The following PLEKHH3 variants were observed in gnomAD, a reference collection of about 807,000 sequenced individuals.
PLEKHH3 encodes pleckstrin homology, MyTH4 and FERM domain containing H3.
Under a neutral mutation model 77.8 loss-of-function variants are expected in PLEKHH3, and 57 were observed. The ratio of observed to expected loss-of-function variants is 0.73; its 90% CI spans 0.59 to 0.91. The LOEUF (loss-of-function observed/expected upper bound fraction) is 0.91, where lower values mean the gene tolerates loss of function less well. Among genes scored for constraint, PLEKHH3 ranks in the 40% least tolerant of loss-of-function variants. PLEKHH3 has a pLI of 0.00. For missense variants in PLEKHH3, 1,082 were observed against 1,091.2 expected, an observed-to-expected ratio of 0.99 and a Z score of 0.12; for synonymous variants, 467 against 504.8, an observed-to-expected ratio of 0.93 and a Z score of 1.00.
At position 42,669,712 on chromosome 17, in the gene PLEKHH3, T is replaced by C. The variant is rs1353655247; in HGVS notation, c.2014-91A>G. The C allele has an allele frequency of 2.7e-6, 4 of 1,468,910 alleles. 1 individual carries two copies. In the South Asian group the frequency reaches 3.9e-5, roughly 14 times the overall value. The allele number at this position is 1,468,910 out of a possible 1,614,324, so 91.0% of individuals were successfully genotyped here. On this transcript the variant is annotated intron_variant, in intron 11 of 12. Transcript: ENST00000591022. ...TGGGTGTCTGTGAGCAGGAGTATCC[T>C]GATCCCCCTATGATTCACAGCACGT...
intron 1 of PLEKHH3, chr17:42,674,974 A>G (rs981770178): frequency 2.0e-5 from 3 of 152,558 alleles, no homozygotes; most frequent in African/African-American, 4.8e-5. Flanking sequence ...ACATTCTCCC[A>G]TAGACACTCC....
chr17:42,674,765 C>T (rs1265283422), intron 1 of PLEKHH3: 2 of 255,508 alleles, frequency 7.8e-6, no homozygotes, highest in Admixed American at 5.5e-5. Context: ...CAAGTCTCTT[C>T]CCGTCTCCGG....
In PLEKHH3 at chr17:42,670,647, G is replaced by C. The variant is rs774585458; in HGVS notation, c.1480C>G (p.Leu494Val). Reference protein sequence around the residue: ...DSPDSGWRLCLRLHGPLHPEG... With the variant: ...DSPDSGWRLCVRLHGPLHPEG... Reference sequence around the variant, plus strand: ...GGGTGCAGAGGTCCGTGAAGACGCAGACATAGTCTCCACCCGGAGTCGGGC... The same window carrying C: ...GGGTGCAGAGGTCCGTGAAGACGCACACATAGTCTCCACCCGGAGTCGGGC... The change falls in exon 10 of 13, where the codon CTG (leucine) becomes GTG (valine). Residue 494 changes from leucine (L) to valine (V), a missense_variant. Leu to Val is a conservative substitution (Grantham distance 32). Coordinates refer to ENST00000591022, the MANE Select transcript of PLEKHH3 (RefSeq NM_024927.5). 6.2e-7 allele frequency: 1 copy of C among 1,613,268 alleles called. No individual in the cohort carries two copies. The highest frequency in any genetic ancestry group is 8.5e-7 in the Non-Finnish European group (1 of 1,179,924).
At position 42,671,050 on chromosome 17, in the gene PLEKHH3, C is replaced by G. The variant is rs2052688856; in HGVS notation, c.1365G>C (p.Gln455His). 6.2e-7 allele frequency: 1 copy of G among 1,610,234 alleles called. No homozygotes were observed. Among genetic ancestry groups the G allele is most frequent in the East Asian group, 2.2e-5 (1 of 44,824 alleles). The stretch of plus-strand genomic sequence containing the variant: ...GGGTCCCCCCAGCCAGGGCTCGCTC[C>G]TGGGCCCCTCGCTGCTCGTACAGCG... ...AFALYEQRGAQERALAGGTLV... is the reference protein window; with the variant it reads ...AFALYEQRGAHERALAGGTLV... The change falls in exon 9 of 13, where the codon CAG becomes CAC. Residue 455 changes from glutamine (Q) to histidine (H), a missense_variant. By Grantham distance (24) the Gln-to-His change is conservative (BLOSUM62 0). Transcript: ENST00000591022. The surrounding 1 kb of genome is among the most constrained non-coding windows in gnomAD (Gnocchi z 4.7).
chr17:42,673,153 A>T (rs879142178), intron 6 of PLEKHH3, 23 bp downstream of exon 6: 8 of 1,502,786 alleles, frequency 5.3e-6, no homozygotes, highest in Non-Finnish European at 7.1e-6. Flanking sequence ...CATCCAGGGG[A>T]CTTGGGCCAT....
Position 42,670,330 on chromosome 17 carries a change from G to T in PLEKHH3, c.1601C>A (p.Thr534Lys), listed in dbSNP as rs748773054. The change falls in exon 11 of 13, where the codon ACG (threonine) becomes AAG (lysine). Residue 534 changes from threonine to lysine, a missense_variant. This residue lies in a region of PLEKHH3 where 733 missense variants were observed against 750.0 expected (regional missense o/e 0.98). Transcript: ENST00000591022. ...GCGCAGCGCCGCCAGGGCGCGCAGC[G>T]TGTCGTCGGGTGGGGGCGGCCGGCC... Reference protein sequence around the residue: ...LRGRPPPPDDTLRALAALRLQ... With the variant: ...LRGRPPPPDDKLRALAALRLQ... The T allele has an allele frequency of 7.2e-7, 1 of 1,397,414 alleles. No individual in the cohort carries two copies. Among genetic ancestry groups the T allele is most frequent in the African/African-American group, 1.5e-5 (1 of 66,022 alleles). 86.6% of individuals were successfully genotyped at this position (1,397,414 alleles called of 1,614,324 possible).
rs1400111515 is a variant in PLEKHH3 at position 42,671,298 on chromosome 17, G to A, written c.1284+53C>T. On this transcript the variant is annotated intron_variant, in intron 8 of 12. Transcript: ENST00000591022. The surrounding 1 kb of genome is among the most constrained non-coding windows in gnomAD (Gnocchi z 4.7). The stretch of plus-strand genomic sequence containing the variant: ...GGTCCAGGAAGAGGGAGAGACAGGC[G>A]TGAGAAGCTGGCAGGGTGGGTTGGA... 6.3e-7 allele frequency: 1 copy of A among 1,588,984 alleles called. No homozygotes were observed. Among genetic ancestry groups the A allele is most frequent in the Non-Finnish European group, 8.6e-7 (1 of 1,164,114 alleles).
Position 42,670,166 on chromosome 17 carries a change from C to T in PLEKHH3, c.1765G>A (p.Gly589Arg), listed in dbSNP as rs1368093979. The T allele has an allele frequency of 2.5e-6, 3 of 1,215,130 alleles. No homozygotes were observed. Among genetic ancestry groups the T allele is most frequent in the Non-Finnish European group, 3.1e-6 (3 of 980,116 alleles). The allele number at this position is 1,215,130 out of a possible 1,614,324, so 75.3% of individuals were successfully genotyped here. ...RPPPSAALLAGALWSPGLAKR... is the reference protein window; with the variant it reads ...RPPPSAALLARALWSPGLAKR... ...GCCAGGCCCGGGCTCCAGAGCGCCC[C>T]GGCCAGCAGGGCAGCGGAAGGGGGC... Residue 589 changes from glycine to arginine, a missense_variant, in exon 11 of 13, where the codon GGG becomes AGG. Gly to Arg is a moderately radical substitution (Grantham distance 125). Transcript: ENST00000591022.
At position 42,667,931 on chromosome 17, in the gene PLEKHH3, C is replaced by CTTT. The variant is rs112409682; in HGVS notation, c.*193_*195dup. ...AGGAAGGGTTTGTGTAAATAAGAAA[C>CTTT]TTTTTTTTTTTTTTTGCTTCTCTTC... On this transcript the variant is annotated 3_prime_UTR_variant, in exon 13 of 13. Coordinates refer to ENST00000591022, the MANE Select transcript of PLEKHH3 (RefSeq NM_024927.5). 5 of 369,198 alleles carry CTTT rather than the reference C, an allele frequency of 1.4e-5. No individual in the cohort carries two copies. The highest frequency in any genetic ancestry group is 1.4e-4 in the South Asian group (1 of 6,986). 22.9% of individuals were successfully genotyped at this position (369,198 alleles called of 1,614,324 possible).
intron 1 of PLEKHH3, among the ~76,000 whole-genome samples, chr17:42,675,153 G>C (rs2052795264): frequency 6.6e-6 from 1 of 152,020 alleles, no homozygotes; most frequent in Admixed American, 6.5e-5. Context: ...TGTAGACTGG[G>C]GTCTGAGAGA....
chr17:42,674,591 A>T, intron 1 of PLEKHH3, 182 bp from the exon 2 acceptor site: 3 of 463,414 alleles, frequency 6.5e-6, no homozygotes, highest in Non-Finnish European at 1.1e-5. Context: ...TCTTAACAGG[A>T]CAAGCTCTTC....
In PLEKHH3 at chr17:42,670,387, G is replaced by A. The variant is rs764045980; in HGVS notation, c.1555-11C>T. ...CAGCAGAGCGTGAGCCTGCAGGGGA[G>A]GCACCCGGCGTCAGTGTACGAGCGG... On this transcript the variant is annotated splice_polypyrimidine_tract_variant and intron_variant, in intron 10 of 12. Transcript: ENST00000591022. The A allele has an allele frequency of 3.5e-6, 5 of 1,440,468 alleles. No individual in the cohort carries two copies. The highest frequency in any genetic ancestry group is 2.2e-4 in the Middle Eastern group (1 of 4,516). 89.2% of individuals were successfully genotyped at this position (1,440,468 alleles called of 1,614,324 possible). A position where few individuals can be genotyped will look rare whatever the true frequency, so the allele number is the denominator to read the frequency against.
Position 42,676,557 on chromosome 17 carries a change from G to A in PLEKHH3, c.7C>T (p.Leu3Phe). 6.4e-7 allele frequency: 1 copy of A among 1,556,874 alleles called. No individual in the cohort carries two copies. The highest frequency in any genetic ancestry group is 8.7e-7 in the Non-Finnish European group (1 of 1,151,026). The change falls in exon 1 of 13, where the codon CTC (leucine) becomes TTC (phenylalanine). Residue 3 changes from leucine to phenylalanine, a missense_variant. By Grantham distance (22) the Leu-to-Phe change is conservative (BLOSUM62 0). Around this residue, in one of 3 missense-constraint regions of PLEKHH3, gnomAD observed 344 missense variants for 320.8 expected, o/e 1.07. Coordinates refer to ENST00000591022, the MANE Select transcript of PLEKHH3 (RefSeq NM_024927.5). This position sits in a 1 kb window ranked among gnomAD's most constrained non-coding sequence, Gnocchi z 6.6. ...AGAAGCCACCATAGTCCCCCGGGGA[G>A]AGGCATCCGGGCGAGGAGCTGCGGA... The part of the protein sequence containing the change: MP[L>F]PGGLWWLLCC...
chr17:42,675,253 G>A (rs1359006737), intron 1 of PLEKHH3, among the ~76,000 whole-genome samples: 1 of 152,138 alleles, frequency 6.6e-6, no homozygotes, highest in Non-Finnish European at 1.5e-5. Flanking sequence ...GGGGGAGGTG[G>A]GGGAGGGGGC....
At chr17:42,675,932 C>T in intron 1 of PLEKHH3, 1 of 1,025,964 alleles carries the variant, frequency 9.7e-7, no homozygotes, top group Non-Finnish European at 1.2e-6. Context: ...GCCACAGACC[C>T]CAATCCTGGG....
At position 42,670,592 on chromosome 17, in the gene PLEKHH3, A is replaced by G. The variant is rs376774229; in HGVS notation, c.1535T>C (p.Leu512Pro). Residue 512 changes from leucine to proline, a missense_variant, in exon 10 of 13, where the codon CTG becomes CCG. By Grantham distance (98) the Leu-to-Pro change is moderately conservative. Transcript: ENST00000591022. The part of the protein sequence containing the change: ...PEGLSPDGHE[L>P]PFLFEQAHAL... Reference sequence around the variant, plus strand: ...CCTCACCTGCTCAAAGAGGAAAGGCAGTTCGTGACCGTCTGGGGACAGCCC... The same window carrying G: ...CCTCACCTGCTCAAAGAGGAAAGGCGGTTCGTGACCGTCTGGGGACAGCCC... 20 of 1,610,874 alleles carry G rather than the reference A, an allele frequency of 1.2e-5. No individual in the cohort carries two copies. The African/African-American group carries it at 2.7e-4, about 22-fold the overall frequency.
Position 42,671,644 on chromosome 17 carries a change from A to G in PLEKHH3, c.1077-86T>C. ...GCCTGCTTCTCTTATAGTTTATTTT[A>G]TCTAGCCGATTTCCTCCCCGCCCCA... On this transcript the variant is annotated intron_variant, in intron 7 of 12. Transcript: ENST00000591022. The surrounding 1 kb of genome is among the most constrained non-coding windows in gnomAD (Gnocchi z 4.7). The G allele has an allele frequency of 7.3e-7, 1 of 1,369,350 alleles. No homozygotes were observed. The highest frequency in any genetic ancestry group is 9.9e-7 in the Non-Finnish European group (1 of 1,012,424). The allele number at this position is 1,369,350 out of a possible 1,614,324, so 84.8% of individuals were successfully genotyped here.
chr17:42,673,371 C>T, intron 5 of PLEKHH3, 28 bp downstream of exon 5: 1 of 1,611,782 alleles, frequency 6.2e-7, no homozygotes, highest in Non-Finnish European at 8.5e-7. Flanking sequence ...TGGGGTCCAC[C>T]ACTCTCCTGG....
chr17:42,672,203 C>T lies in PLEKHH3; in HGVS notation c.959G>A (p.Gly320Glu). Residue 320 changes from glycine (G) to glutamate (E), a missense_variant, in exon 7 of 13, where the codon GGG becomes GAG. Coordinates refer to ENST00000591022, the MANE Select transcript of PLEKHH3 (RefSeq NM_024927.5). Reference protein sequence around the residue: ...KQTSGPAGPPGLPATQDPAAL... With the variant: ...KQTSGPAGPPELPATQDPAAL... The stretch of plus-strand genomic sequence containing the variant: ...CGCAGGGTCTTGGGTAGCCGGGAGC[C>T]CGGGGGGACCTGCAGGGCCCGAGGT... The T allele has an allele frequency of 6.4e-7, 1 of 1,551,204 alleles. No homozygotes were observed. Among genetic ancestry groups the T allele is most frequent in the South Asian group, 1.2e-5 (1 of 84,090 alleles).
Sources: allele counts gnomAD v4.1 joint callset (sites outside exome capture counted in the v4.1 genomes callset), GRCh38; gene constraint gnomAD v4.1.1; regional missense constraint gnomAD v4.1.1; non-coding constraint Gnocchi (gnomAD v3.1); transcripts MANE v1.5; gene names NCBI Gene and HGNC (gene_info 2026-07-23, HGNC 2026-07-21).